RYK: variants seen among roughly 807,000 people sequenced by gnomAD.
The protein encoded by RYK is receptor like tyrosine kinase.
A neutral mutation model predicts 70.2 loss-of-function variants in RYK; 21 were observed. The observed-to-expected ratio is 0.30, with a 90% CI of 0.21 to 0.43. The LOEUF (loss-of-function observed/expected upper bound fraction) is 0.43. Ranked by LOEUF, RYK falls within the 20% of genes least tolerant of loss-of-function variation. The pLI, the probability that RYK is intolerant of heterozygous loss-of-function variation, is 1.00. For synonymous variants in RYK, 267 were observed against 278.0 expected (o/e 0.96, Z 0.39); for missense variants, 604 against 753.3 (o/e 0.80, Z 2.32).
At position 134,196,833 on chromosome 3, in the gene RYK, T is replaced by C. The variant is rs73861340; in HGVS notation, c.789-1651A>G. On this transcript the variant is annotated intron_variant, in intron 6 of 14. Transcript: ENST00000623711. ...TAGAAAGTCATAGCAAAAATTAAGA[T>C]AGAAATGTCCTGCAATAAACATTTG... is the stretch of plus-strand genomic sequence containing the variant. Among the ~76,000 whole-genome samples the C allele has an allele frequency of 3.4e-3, 525 of 152,194 alleles. 2 individuals are homozygous for C. Among genetic ancestry groups the C allele is most frequent in the African/African-American group, 0.012 (506 of 41,548 alleles).
chr3:134,184,304 G>A (rs1028448862), intron 9 of RYK, among the ~76,000 whole-genome samples: 1 of 152,076 alleles, frequency 6.6e-6, no homozygotes, highest in Non-Finnish European at 1.5e-5. Context: ...ACAAAAACAT[G>A]ATAATGCAAT....
At position 134,157,352 on chromosome 3, in the gene RYK, T is replaced by C. The variant is rs2012279423; in HGVS notation, c.*801A>G. The C allele has an allele frequency of 6.6e-6, 1 of 152,296 alleles. No homozygotes were observed. Among genetic ancestry groups the C allele is most frequent in the Admixed American group, 6.5e-5 (1 of 15,286 alleles). The allele number at this position is 152,296 out of a possible 1,614,324, so 9.4% of individuals were successfully genotyped here. A position where few individuals can be genotyped will look rare whatever the true frequency, so the allele number is the denominator to read the frequency against. Reference sequence around the variant, plus strand: ...GAGTTCACTTTCTGGAATTGTATTATCTCCTTTTCCAGAGAGTAAAAATAA... The same window carrying C: ...GAGTTCACTTTCTGGAATTGTATTACCTCCTTTTCCAGAGAGTAAAAATAA... On this transcript the variant is annotated 3_prime_UTR_variant, in exon 15 of 15. Coordinates refer to ENST00000623711, the MANE Select transcript of RYK (RefSeq NM_002958.4).
chr3:134,224,824 G>C (rs562074122), intron 1 of RYK, among the ~76,000 whole-genome samples: 44 of 152,298 alleles, frequency 2.9e-4, no homozygotes, highest in African/African-American at 9.9e-4. Flanking sequence ...TCCTATCTCT[G>C]TATGGCCTGG....
At chr3:134,164,842 A>C (rs2012605023) in intron 13 of RYK, among the ~76,000 whole-genome samples, 1 of 152,252 alleles carries the variant, frequency 6.6e-6, no homozygotes, top group South Asian at 2.1e-4. Context: ...CCCATTTTAC[A>C]TTCCTGCCAG....
chr3:134,217,887 T>G (rs2014609890), intron 2 of RYK, among the ~76,000 whole-genome samples: 1 of 152,192 alleles, frequency 6.6e-6, no homozygotes, highest in African/African-American at 2.4e-5. Context: ...TAAATAAACG[T>G]AATCAACTGT....
intron 1 of RYK, among the ~76,000 whole-genome samples, chr3:134,231,913 C>T (rs151135506): frequency 6.6e-6 from 1 of 152,300 alleles, no homozygotes; most frequent in African/African-American, 2.4e-5. Flanking sequence ...TCTTCTATGT[C>T]TCATTAGGGC....
In RYK at chr3:134,202,713, C is replaced by A. The variant is rs538722073; in HGVS notation, c.788+17G>T. On this transcript the variant is annotated intron_variant, in intron 6 of 14. Transcript: ENST00000623711. ...AACTGCTTTCATTTTTTTTCTTTCC[C>A]AAAATATGTACAATACCTGTCATCC... 2 of 1,603,516 alleles carry A rather than the reference C, an allele frequency of 1.2e-6. No individual in the cohort carries two copies. Among genetic ancestry groups the A allele is most frequent in the African/African-American group, 2.7e-5 (2 of 74,136 alleles).
intron 1 of RYK, among the ~76,000 whole-genome samples, chr3:134,240,067 T>C (rs2015283436): frequency 6.6e-6 from 1 of 152,204 alleles, no homozygotes; most frequent in African/African-American, 2.4e-5. Flanking sequence ...TACATATACA[T>C]TTACATATTT....
intron 1 of RYK, among the ~76,000 whole-genome samples, chr3:134,239,588 A>T (rs991311232): frequency 6.6e-6 from 1 of 152,226 alleles, no homozygotes; most frequent in Non-Finnish European, 1.5e-5. Flanking sequence ...ATGGGAAATG[A>T]TCAACAGAAT....
intron 1 of RYK, among the ~76,000 whole-genome samples, chr3:134,242,940 C>T (rs1224510213): frequency 6.6e-6 from 1 of 152,138 alleles, no homozygotes; most frequent in Non-Finnish European, 1.5e-5. Context: ...AAATAAATAC[C>T]AACTCCACCA....
At chr3:134,211,096 G>A (rs1251934736) in intron 3 of RYK, among the ~76,000 whole-genome samples, 1 of 152,216 alleles carries the variant, frequency 6.6e-6, no homozygotes, top group Non-Finnish European at 1.5e-5. Context: ...AAGGATCCAG[G>A]ACACAAGGTG....
chr3:134,200,954 C>T (rs529031022), intron 6 of RYK, among the ~76,000 whole-genome samples: 5 of 152,266 alleles, frequency 3.3e-5, no homozygotes, highest in African/African-American at 1.2e-4. Context: ...AGGTAGATGC[C>T]CCATGGAATC....
intron 13 of RYK, among the ~76,000 whole-genome samples, chr3:134,160,422 T>C (rs1420793763): frequency 6.6e-6 from 1 of 151,142 alleles, no homozygotes; most frequent in Non-Finnish European, 1.5e-5. Context: ...CATGTTGCAT[T>C]AAATTTTAGG....
intron 6 of RYK, 150 bp downstream of exon 6, chr3:134,202,580 C>T: frequency 1.7e-6 from 1 of 574,292 alleles, no homozygotes; most frequent in East Asian, 3.3e-5. Flanking sequence ...AAACCAGAGA[C>T]AGTGATTAGG....
chr3:134,249,916 CGTTT>C (rs2015563682), intron 1 of RYK, among the ~76,000 whole-genome samples: 1 of 86,594 alleles, frequency 1.2e-5, no homozygotes, highest in Non-Finnish European at 1.9e-5. Flanking sequence ...CTTTCTCTCT[CGTTT>C]TTTTTTTTTT....
intron 5 of RYK, among the ~76,000 whole-genome samples, chr3:134,206,611 T>A (rs867429398): frequency 6.6e-6 from 1 of 152,122 alleles, no homozygotes; most frequent in African/African-American, 2.4e-5. Flanking sequence ...ATGTGATAAA[T>A]CAAAATGAAT....
intron 8 of RYK, 75 bp from the exon 9 acceptor site, chr3:134,188,998 A>G (rs2013560039): frequency 4.7e-6 from 4 of 853,134 alleles, no homozygotes; most frequent in Admixed American, 3.0e-5. Context: ...CTGGCACAAT[A>G]TAACATAAAA....
At chr3:134,172,019 ATACT>A (rs1490762382) in intron 13 of RYK, among the ~76,000 whole-genome samples, 2 of 152,202 alleles carry the variant, frequency 1.3e-5, no homozygotes, top group Non-Finnish European at 2.9e-5. Flanking sequence ...ATTACACGAA[ATACT>A]TATAGATTAT....
chr3:134,214,486 G>A (rs2014493773), intron 2 of RYK, among the ~76,000 whole-genome samples: 1 of 152,024 alleles, frequency 6.6e-6, no homozygotes, highest in South Asian at 2.1e-4. Flanking sequence ...CACAGCCCAA[G>A]CCCTAAAGAA....
Sources: gnomAD v4.1 joint callset for allele counts (sites outside exome capture counted in the v4.1 genomes callset) on GRCh38, gnomAD v4.1.1 for gene constraint, MANE v1.5 for transcripts, NCBI Gene and HGNC (gene_info 2026-07-23, HGNC 2026-07-21) for gene names.